Variants in PHACTR3 observed in about 807,000 individuals in gnomAD.
The protein encoded by PHACTR3 is phosphatase and actin regulator 3.
In PHACTR3, 16 loss-of-function variants were observed where a neutral mutation model predicts 66.8. That is an observed-to-expected ratio of 0.24 (90% CI 0.16 to 0.36). The LOEUF is 0.36. Ranked by LOEUF, PHACTR3 falls within the 10% of genes least tolerant of loss-of-function variation. The pLI is 1.00. For synonymous variants in PHACTR3, 323 were observed against 292.1 expected, an observed-to-expected ratio of 1.11 and a Z score of -1.08; for missense variants, 647 against 719.9, an observed-to-expected ratio of 0.90 and a Z score of 1.16.
chr20:59,651,835 AGGT>A (rs2035468688), intron 1 of PHACTR3, among the ~76,000 whole-genome samples: 1 of 88,228 alleles, frequency 1.1e-5, no homozygotes, highest in African/African-American at 5.7e-5. Flanking sequence ...TTTGGTAGGT[AGGT>A]AGGTAGGTAG....
intron 3 of PHACTR3, among the ~76,000 whole-genome samples, chr20:59,752,184 C>CTGCAGGTGTGCACACACA (rs1404009681): frequency 6.6e-6 from 1 of 152,234 alleles, no homozygotes; most frequent in African/African-American, 2.4e-5. Context: ...GGACACATGT[C>CTGCAGGTGTGCACACACA]TGCACGTGTG....
chr20:59,767,158 T>C, intron 4 of PHACTR3, 28 bp from the exon 5 acceptor site: 1 of 1,613,016 alleles, frequency 6.2e-7, no homozygotes, highest in Non-Finnish European at 8.5e-7. Context: ...AAACATGTTT[T>C]TAACTCTCTG....
chr20:59,702,444 A>C (rs1959599844), intron 1 of PHACTR3, among the ~76,000 whole-genome samples: 1 of 152,186 alleles, frequency 6.6e-6, no homozygotes, highest in Admixed American at 6.5e-5. Context: ...AGCTGAAATG[A>C]CACATCCTCT....
intron 1 of PHACTR3, among the ~76,000 whole-genome samples, chr20:59,681,937 G>C (rs558042409): frequency 2.6e-5 from 4 of 152,140 alleles, no homozygotes; most frequent in East Asian, 1.9e-4. Context: ...TTGAACCCAG[G>C]GGGTGGAGGT....
At chr20:59,585,159 A>G (rs944762361) in intron 1 of PHACTR3, among the ~76,000 whole-genome samples, 3 of 152,138 alleles carry the variant, frequency 2.0e-5, no homozygotes, top group Non-Finnish European at 4.4e-5. Flanking sequence ...AAGTTCTGTC[A>G]CCGCTTATGA....
chr20:59,602,389 C>T (rs1392430259), upstream of PHACTR3, among the ~76,000 whole-genome samples: 3 of 150,654 alleles, frequency 2.0e-5, no homozygotes, highest in African/African-American at 7.4e-5. Context: ...TATGATTGCC[C>T]CCGTGAATAG....
At chr20:59,817,568 C>A (rs1336282382) in intron 8 of PHACTR3, among the ~76,000 whole-genome samples, 1 of 152,360 alleles carries the variant, frequency 6.6e-6, no homozygotes, top group East Asian at 1.9e-4. Context: ...CTTCACAGCT[C>A]ATTCAACAGA....
At chr20:59,643,105 G>T (rs1427567371) in intron 1 of PHACTR3, among the ~76,000 whole-genome samples, 1 of 152,118 alleles carries the variant, frequency 6.6e-6, no homozygotes. Context: ...TAGAGACGGG[G>T]TTTCACCATG....
rs150484938 is a variant in PHACTR3 at position 59,773,197 on chromosome 20, G to A, written c.752-82G>A. On this transcript the variant is annotated intron_variant, in intron 5 of 12. Transcript: ENST00000371015. The stretch of plus-strand genomic sequence containing the variant: ...GGAGGTGCAGGGGAGCGTCCTTTCC[G>A]CTCATGGTCCCCAGTCTCAGCAAAA... The A allele has an allele frequency of 2.5e-4, 366 of 1,483,600 alleles. 1 individual carries two copies. The African/African-American group carries it at 4.4e-3, about 18-fold the overall frequency. 91.9% of individuals were successfully genotyped at this position (1,483,600 alleles called of 1,614,324 possible). A position where few individuals can be genotyped will look rare whatever the true frequency, so the allele number is the denominator to read the frequency against.
intron 4 of PHACTR3, 91 bp downstream of exon 4, chr20:59,755,455 C>A: frequency 7.4e-7 from 1 of 1,355,306 alleles, no homozygotes; most frequent in Non-Finnish European, 1.0e-6. Flanking sequence ...GGCAACAGCC[C>A]TCGTAGAACA....
At chr20:59,696,188 C>T (rs1159812055) in intron 1 of PHACTR3, among the ~76,000 whole-genome samples, 1 of 152,198 alleles carries the variant, frequency 6.6e-6, no homozygotes. Flanking sequence ...TGCTTTGGTG[C>T]TAGCACACAA....
intron 9 of PHACTR3, among the ~76,000 whole-genome samples, chr20:59,839,828 T>C (rs930706583): frequency 6.6e-6 from 1 of 152,174 alleles, no homozygotes; most frequent in Non-Finnish European, 1.5e-5. Flanking sequence ...ATTTGAAATA[T>C]AGTCTGAACA....
At chr20:59,684,166 CT>C (rs1220623458) in intron 1 of PHACTR3, among the ~76,000 whole-genome samples, 1 of 152,194 alleles carries the variant, frequency 6.6e-6, no homozygotes, top group Non-Finnish European at 1.5e-5. Context: ...CAGGCTTTCT[CT>C]CTGAGAATTC....
chr20:59,655,920 A>G (rs1601019127), intron 1 of PHACTR3, among the ~76,000 whole-genome samples: 1 of 151,950 alleles, frequency 6.6e-6, no homozygotes, highest in East Asian at 1.9e-4. Context: ...ATTTAGGGCC[A>G]TATTGTTTAA....
intron 1 of PHACTR3, among the ~76,000 whole-genome samples, chr20:59,708,282 TG>T (rs2037786692): frequency 6.6e-6 from 1 of 152,198 alleles, no homozygotes; most frequent in African/African-American, 2.4e-5. Flanking sequence ...ATGGTGCCTG[TG>T]TCTCTCTAAT....
intron 1 of PHACTR3, among the ~76,000 whole-genome samples, chr20:59,682,924 G>T (rs894613254): frequency 2.0e-5 from 3 of 152,146 alleles, no homozygotes; most frequent in Admixed American, 6.5e-5. Flanking sequence ...TGACGGGTCG[G>T]GGGGGACATT....
chr20:59,620,088 A>G (rs980472731), intron 1 of PHACTR3, among the ~76,000 whole-genome samples: 2 of 152,086 alleles, frequency 1.3e-5, no homozygotes, highest in South Asian at 2.1e-4. Flanking sequence ...GTGTGTTTCC[A>G]TGGTTACTGG....
At chr20:59,638,731 TAAATGGG>T in intron 1 of PHACTR3, among the ~76,000 whole-genome samples, 1 of 137,340 alleles carries the variant, frequency 7.3e-6, no homozygotes, top group South Asian at 2.4e-4. Flanking sequence ...GATGGATGGA[TAAATGGG>T]GATGGATAGA....
At chr20:59,667,536 G>A (rs887670837) in intron 1 of PHACTR3, among the ~76,000 whole-genome samples, 8 of 152,246 alleles carry the variant, frequency 5.3e-5, no homozygotes, top group Non-Finnish European at 1.2e-4. Context: ...AGGAAACAAA[G>A]CAGGGACACC....
Sources: gnomAD v4.1 joint callset for allele counts (sites outside exome capture counted in the v4.1 genomes callset) on GRCh38, gnomAD v4.1.1 for gene constraint, MANE v1.5 for transcripts, NCBI Gene and HGNC (gene_info 2026-07-23, HGNC 2026-07-21) for gene names.